RASSF10: variants seen among roughly 807,000 people sequenced by gnomAD.
RASSF10 encodes the protein ras association domain-containing protein 10.
In RASSF10, 22 loss-of-function variants were observed where a neutral mutation model predicts 41.5. That is an observed-to-expected ratio of 0.53 (90% confidence interval 0.38 to 0.76). The LOEUF (loss-of-function observed/expected upper bound fraction) is 0.76. RASSF10 is among the 30% of genes least tolerant of loss of function. The pLI, the probability that RASSF10 is intolerant of heterozygous loss-of-function variation, is 0.00. For missense variants in RASSF10, 776 were observed against 711.8 expected (o/e 1.09, Z -1.03); for synonymous variants, 364 against 319.0 (o/e 1.14, Z -1.50).
chr11:13,009,541 C>T lies in RASSF10; in HGVS notation c.-36C>T, dbSNP rs564765195. 13 of 1,590,616 alleles carry T rather than the reference C, an allele frequency of 8.2e-6. No homozygotes were observed. Among genetic ancestry groups the T allele is most frequent in the Non-Finnish European group, 1.1e-5 (13 of 1,166,610 alleles). ...TGCTGTCCTCGCCGCCCCAGCAGAC[C>T]CCGGCCGGACCTGCCACCTGCGCCC... On this transcript the variant is annotated 5_prime_UTR_variant, in exon 1 of 1. Coordinates refer to ENST00000529419, the MANE Select transcript of RASSF10 (RefSeq NM_001080521.3).
At position 13,010,684 on chromosome 11, in the gene RASSF10, G is replaced by A. The variant is rs1354804239; in HGVS notation, c.1108G>A (p.Glu370Lys). 10 of 1,591,908 alleles carry A rather than the reference G, an allele frequency of 6.3e-6. No individual in the cohort carries two copies. The highest frequency in any genetic ancestry group is 1.3e-5 in the African/African-American group (1 of 74,740). The change falls in exon 1 of 1, where the codon GAG (glutamate) becomes AAG (lysine). Residue 370 changes from glutamate (E) to lysine (K), a missense_variant. By Grantham distance (56) the Glu-to-Lys change is moderately conservative (BLOSUM62 1). Transcript: ENST00000529419. The surrounding 1 kb of genome is among the most constrained non-coding windows in gnomAD (Gnocchi z 4.8). The part of the protein sequence containing the change: ...RRRQEELAAR[E>K]EPLEPDGGPD... ...GCGCCAGGAGGAGCTGGCGGCGCGG[G>A]AGGAGCCCCTGGAGCCCGACGGTGG...
chr11:13,011,397 GC>G lies in RASSF10; in HGVS notation c.*300del, dbSNP rs35307666. Reference sequence around the variant, plus strand: ...ACCCAAGGAAATTGACGTGGTCCGAGCCCATTTTCAAAGTAAGGAAGTATAA... The same window carrying G: ...ACCCAAGGAAATTGACGTGGTCCGAGCCATTTTCAAAGTAAGGAAGTATAA... On this transcript the variant is annotated 3_prime_UTR_variant, in exon 1 of 1. Coordinates refer to ENST00000529419, the MANE Select transcript of RASSF10 (RefSeq NM_001080521.3). 36,795 of 310,852 alleles carry G rather than the reference GC, an allele frequency of 0.12. 2,551 individuals carry two copies. The highest frequency in any genetic ancestry group is 0.17 in the Middle Eastern group (186 of 1,076). 19.3% of individuals were successfully genotyped at this position (310,852 alleles called of 1,614,324 possible).
Position 13,011,104 on chromosome 11 carries a change from TGGGGGGCGGGGGGC to T in RASSF10, c.*15_*28del, listed in dbSNP as rs772203115. On this transcript the variant is annotated 3_prime_UTR_variant, in exon 1 of 1. Transcript: ENST00000529419. ...CATGTGCGAATCCCTTGTGTAGGGG[TGGGGGGCGGGGGGC>T]GGGGGGCGGGAACAGGGGGATTCTT... is the stretch of plus-strand genomic sequence containing the variant. 143 of 30,660 alleles carry T rather than the reference TGGGGGGCGGGGGGC, an allele frequency of 4.7e-3. 2 individuals are homozygous for T. In the African/African-American group the frequency reaches 0.055, roughly 12 times the overall value. The allele number at this position is 30,660 out of a possible 1,614,324, so 1.9% of individuals were successfully genotyped here. A position where few individuals can be genotyped will look rare whatever the true frequency, so the allele number is the denominator to read the frequency against.
rs780743323 is a variant in RASSF10, at chr11:13,009,861, G to A, written c.285G>A (p.Glu95=). The change falls in exon 1 of 1, where the codon GAG becomes GAA. Residue 95 remains glutamate (E), a synonymous_variant. Coordinates refer to ENST00000529419, the MANE Select transcript of RASSF10 (RefSeq NM_001080521.3). Reference sequence around the variant, plus strand: ...CCCCGCAGTGCTATTGCATCGTGGAGAAGTGGCGCGGCTTTGAGCGCATCC... The same window carrying A: ...CCCCGCAGTGCTATTGCATCGTGGAAAAGTGGCGCGGCTTTGAGCGCATCC... ...CGPPQCYCIV[E]KWRGFERILP... The A allele has an allele frequency of 3.1e-6, 5 of 1,606,116 alleles. No homozygotes were observed. The highest frequency in any genetic ancestry group is 2.2e-5 in the South Asian group (2 of 89,712).
In RASSF10 at chr11:13,009,955, G is replaced by A; in HGVS notation, c.379G>A (p.Val127Met). 1 of 1,574,564 alleles carries A rather than the reference G, an allele frequency of 6.4e-7. No individual in the cohort carries two copies. The highest frequency in any genetic ancestry group is 8.6e-7 in the Non-Finnish European group (1 of 1,159,442). Residue 127 changes from valine to methionine, a missense_variant, in exon 1 of 1, where the codon GTG becomes ATG. Coordinates refer to ENST00000529419, the MANE Select transcript of RASSF10 (RefSeq NM_001080521.3). ...WGEEQENVRF[V>M]LVRSEASLPN... is the part of the protein sequence containing the mutation. ...CGAAGAGCAAGAGAATGTGCGCTTCGTGCTAGTGCGCAGCGAGGCATCGCT... is the reference window on the plus strand; with the variant it reads ...CGAAGAGCAAGAGAATGTGCGCTTCATGCTAGTGCGCAGCGAGGCATCGCT...
chr11:13,010,701 C>G lies in RASSF10; in HGVS notation c.1125C>G (p.Pro375=), dbSNP rs1348821961. 2 of 1,592,110 alleles carry G rather than the reference C, an allele frequency of 1.3e-6. No homozygotes were observed. The highest frequency in any genetic ancestry group is 1.7e-6 in the Non-Finnish European group (2 of 1,170,178). Residue 375 remains proline (P), a synonymous_variant, in exon 1 of 1, where the codon CCC becomes CCG. Coordinates refer to ENST00000529419, the MANE Select transcript of RASSF10 (RefSeq NM_001080521.3). The surrounding 1 kb of genome is among the most constrained non-coding windows in gnomAD (Gnocchi z 4.8). ...ELAAREEPLE[P]DGGPDGELLL... ...CGGCGCGGGAGGAGCCCCTGGAGCC[C>G]GACGGTGGCCCCGACGGCGAGCTGC...
In RASSF10 at chr11:13,009,377, C is replaced by A; in HGVS notation, c.-200C>A. On this transcript the variant is annotated 5_prime_UTR_variant, in exon 1 of 1. Coordinates refer to ENST00000529419, the MANE Select transcript of RASSF10 (RefSeq NM_001080521.3). The stretch of plus-strand genomic sequence containing the variant: ...GCCCCGGGAGCGCCCGTCGTCCGGG[C>A]AGAGCGCAGCCGCAACCGCGACCAC... The A allele has an allele frequency of 7.8e-7, 1 of 1,274,526 alleles. No individual in the cohort carries two copies. The highest frequency in any genetic ancestry group is 1.1e-6 in the Non-Finnish European group (1 of 919,420). 79.0% of individuals were successfully genotyped at this position (1,274,526 alleles called of 1,614,324 possible). A position where few individuals can be genotyped will look rare whatever the true frequency, so the allele number is the denominator to read the frequency against.
Position 13,009,728 on chromosome 11 carries a change from G to A in RASSF10, c.152G>A (p.Arg51Gln), listed in dbSNP as rs1193351853. 6.3e-7 allele frequency: 1 copy of A among 1,577,724 alleles called. No homozygotes were observed. Among genetic ancestry groups the A allele is most frequent in the African/African-American group, 1.3e-5 (1 of 74,170 alleles). Residue 51 changes from arginine to glutamine, a missense_variant, in exon 1 of 1, where the codon CGG becomes CAG. Arg to Gln is a conservative substitution (Grantham distance 43). Coordinates refer to ENST00000529419, the MANE Select transcript of RASSF10 (RefSeq NM_001080521.3). ...RRRRRQRRSR[R>Q]LGSAGDPHGP... ...CGACGGAGACAGCGGCGGAGCCGGC[G>A]GCTGGGGTCGGCCGGCGACCCGCAT...
Position 13,009,768 on chromosome 11 carries a change from G to A in RASSF10, c.192G>A (p.Leu64=), listed in dbSNP as rs1949559123. 6.2e-7 allele frequency: 1 copy of A among 1,600,714 alleles called. No individual in the cohort carries two copies. The highest frequency in any genetic ancestry group is 8.5e-7 in the Non-Finnish European group (1 of 1,174,906). Residue 64 remains leucine (L), a synonymous_variant, in exon 1 of 1, where the codon CTG becomes CTA. Transcript: ENST00000529419. ...GCGACCCGCATGGCCCGGGAGAGCT[G>A]CCCGAACCCCCGAACGAGGACGACG... ...SAGDPHGPGE[L]PEPPNEDDED...
Position 13,011,079 on chromosome 11 carries a change from C to T in RASSF10, c.1503C>T (p.Pro501=), listed in dbSNP as rs555456186. 48 of 1,542,058 alleles carry T rather than the reference C, an allele frequency of 3.1e-5. No individual in the cohort carries two copies. The highest frequency in any genetic ancestry group is 3.8e-5 in the Non-Finnish European group (44 of 1,144,448). Residue 501 remains proline, a synonymous_variant, in exon 1 of 1, where the codon CCC becomes CCT. Coordinates refer to ENST00000529419, the MANE Select transcript of RASSF10 (RefSeq NM_001080521.3). ...ATAGCCAAGACTCGGACTCCTTGCC[C>T]ATGTGCGAATCCCTTGTGTAGGGGT... ...SMHSQDSDSL[P]MCESLV
Position 13,010,232 on chromosome 11 carries a change from G to C in RASSF10, c.656G>C (p.Ser219Thr). The change falls in exon 1 of 1, where the codon AGC (serine) becomes ACC (threonine). Residue 219 changes from serine (S) to threonine (T), a missense_variant. By Grantham distance (58) the Ser-to-Thr change is moderately conservative. Coordinates refer to ENST00000529419, the MANE Select transcript of RASSF10 (RefSeq NM_001080521.3). This position sits in a 1 kb window ranked among gnomAD's most constrained non-coding sequence, Gnocchi z 4.8. The stretch of plus-strand genomic sequence containing the variant: ...TCTTCGTCGCCGCGGACCCACGAGA[G>C]CGCGTCGGTGGAGCGCATGGAGACG... ...SCSSSPRTHE[S>T]ASVERMETLV... The C allele has an allele frequency of 6.3e-7, 1 of 1,587,356 alleles. No individual in the cohort carries two copies. The highest frequency in any genetic ancestry group is 1.2e-5 in the South Asian group (1 of 86,214).
rs766332213 is a variant in RASSF10, at chr11:13,009,752, A to C, written c.176A>C (p.His59Pro). 2.5e-6 allele frequency: 4 copies of C among 1,590,384 alleles called. No homozygotes were observed. In the Admixed American group the frequency reaches 7.1e-5, roughly 28 times the overall value. Residue 59 changes from histidine to proline, a missense_variant, in exon 1 of 1, where the codon CAT (histidine) becomes CCT (proline). Transcript: ENST00000529419. ...CGGCTGGGGTCGGCCGGCGACCCGC[A>C]TGGCCCGGGAGAGCTGCCCGAACCC... Reference protein sequence around the residue: ...SRRLGSAGDPHGPGELPEPPN... With the variant: ...SRRLGSAGDPPGPGELPEPPN...
In RASSF10 at chr11:13,009,468, G is replaced by A. The variant is rs745470698; in HGVS notation, c.-109G>A. 4.0e-6 allele frequency: 6 copies of A among 1,513,308 alleles called. No individual in the cohort carries two copies. Among genetic ancestry groups the A allele is most frequent in the Non-Finnish European group, 5.3e-6 (6 of 1,134,354 alleles). The allele number at this position is 1,513,308 out of a possible 1,614,324, so 93.7% of individuals were successfully genotyped here. On this transcript the variant is annotated 5_prime_UTR_variant, in exon 1 of 1. Coordinates refer to ENST00000529419, the MANE Select transcript of RASSF10 (RefSeq NM_001080521.3). ...GGGAACAGGGCTAGTGCAGCCGCCG[G>A]AGGGGGGCACGGGCTCCTCTCCCAT... is the stretch of plus-strand genomic sequence containing the variant.
rs1949563331 is a variant in RASSF10 at position 13,010,038 on chromosome 11, C to A, written c.462C>A (p.Pro154=). 3.2e-6 allele frequency: 5 copies of A among 1,545,028 alleles called. No homozygotes were observed. Among genetic ancestry groups the A allele is most frequent in the South Asian group, 1.2e-5 (1 of 83,340 alleles). ...EARVVLSRER[P]CPARGAPARP... The stretch of plus-strand genomic sequence containing the variant: ...GCGTAGTGCTGAGCCGAGAGCGCCC[C>A]TGTCCGGCCCGCGGGGCCCCGGCGC... The change falls in exon 1 of 1, where the codon CCC becomes CCA. Residue 154 remains proline, a synonymous_variant. Coordinates refer to ENST00000529419, the MANE Select transcript of RASSF10 (RefSeq NM_001080521.3). The surrounding 1 kb of genome is among the most constrained non-coding windows in gnomAD (Gnocchi z 4.8).
In RASSF10 at chr11:13,011,162, T is replaced by A. The variant is rs927952884; in HGVS notation, c.*62T>A. 9.5e-6 allele frequency: 12 copies of A among 1,262,666 alleles called. No homozygotes were observed. The highest frequency in any genetic ancestry group is 1.5e-5 in the African/African-American group (1 of 66,376). The allele number at this position is 1,262,666 out of a possible 1,614,324, so 78.2% of individuals were successfully genotyped here. On this transcript the variant is annotated 3_prime_UTR_variant, in exon 1 of 1. Coordinates refer to ENST00000529419, the MANE Select transcript of RASSF10 (RefSeq NM_001080521.3). ...GATTCTTTTTTCTTGCAGAATGCAG[T>A]GGGCCAGCCGGCTCGCGGACTTGAA...
At position 13,010,440 on chromosome 11, in the gene RASSF10, C is replaced by T; in HGVS notation, c.864C>T (p.Ser288=). Residue 288 remains serine (S), a synonymous_variant, in exon 1 of 1, where the codon TCC becomes TCT. Transcript: ENST00000529419. This position sits in a 1 kb window ranked among gnomAD's most constrained non-coding sequence, Gnocchi z 4.8. ...LVGAGIELDG[S]RPGEEPEEVA... is the part of the protein sequence containing the mutation. ...GGGCAGGCATCGAGCTCGACGGGTC[C>T]AGACCGGGAGAGGAGCCAGAAGAGG... The T allele has an allele frequency of 6.5e-7, 1 of 1,542,416 alleles. No individual in the cohort carries two copies. Among genetic ancestry groups the T allele is most frequent in the Admixed American group, 2.0e-5 (1 of 50,628 alleles).
chr11:13,011,940 C>T lies in RASSF10; in HGVS notation c.*840C>T, dbSNP rs1341687763. On this transcript the variant is annotated 3_prime_UTR_variant, in exon 1 of 1. Transcript: ENST00000529419. ...TGCCCTTTAATTCGTATTGCCACTT[C>T]ATTGACTCAATCACTGTTATTTCAG... 1.3e-5 allele frequency: 2 copies of T among 152,198 alleles called. No homozygotes were observed. The highest frequency in any genetic ancestry group is 4.8e-5 in the African/African-American group (2 of 41,452). The allele number at this position is 152,198 out of a possible 1,614,324, so 9.4% of individuals were successfully genotyped here. A position where few individuals can be genotyped will look rare whatever the true frequency, so the allele number is the denominator to read the frequency against.
At position 13,010,098 on chromosome 11, in the gene RASSF10, G is replaced by A. The variant is rs1420658018; in HGVS notation, c.522G>A (p.Arg174=). 9 of 1,550,954 alleles carry A rather than the reference G, an allele frequency of 5.8e-6. No homozygotes were observed. The South Asian group carries it at 1.1e-4, about 18-fold the overall frequency. The change falls in exon 1 of 1, where the codon CGG becomes CGA. Residue 174 remains arginine, a synonymous_variant. Coordinates refer to ENST00000529419, the MANE Select transcript of RASSF10 (RefSeq NM_001080521.3). This position sits in a 1 kb window ranked among gnomAD's most constrained non-coding sequence, Gnocchi z 4.8. ...TGGCCATGACCCAGGAGAAACAGCGGCGAGTGGTGCGCAAGGCCTTTCGCA... is the reference window on the plus strand; with the variant it reads ...TGGCCATGACCCAGGAGAAACAGCGACGAGTGGTGCGCAAGGCCTTTCGCA... ...PSLAMTQEKQ[R]RVVRKAFRKL...
In RASSF10 at chr11:13,011,802, AT is replaced by A. The variant is rs1949582328; in HGVS notation, c.*704del. 1 of 152,234 alleles carries A rather than the reference AT, an allele frequency of 6.6e-6. No homozygotes were observed. The highest frequency in any genetic ancestry group is 1.5e-5 in the Non-Finnish European group (1 of 68,032). 9.4% of individuals were successfully genotyped at this position (152,234 alleles called of 1,614,324 possible). ...AATTCTTTTCCCAAAATAACCTTTTATTATTACAAAAGCCAAACATAATCAT... is the reference window on the plus strand; with the variant it reads ...AATTCTTTTCCCAAAATAACCTTTTATATTACAAAAGCCAAACATAATCAT... On this transcript the variant is annotated 3_prime_UTR_variant, in exon 1 of 1. Coordinates refer to ENST00000529419, the MANE Select transcript of RASSF10 (RefSeq NM_001080521.3).
Sources: gnomAD v4.1 joint callset for allele counts on GRCh38, gnomAD v4.1.1 for gene constraint, Gnocchi (gnomAD v3.1) non-coding constraint, MANE v1.5 for transcripts, NCBI Gene and HGNC (gene_info 2026-07-23, HGNC 2026-07-21) for gene names.